Variants in CNNM2 observed in about 807,000 individuals in gnomAD.
The protein encoded by CNNM2 is metal transporter CNNM2.
CNNM2 carries 12 observed loss-of-function variants against 66.9 expected under a neutral mutation model. The ratio of observed to expected loss-of-function variants is 0.18; its 90% CI spans 0.11 to 0.29. CNNM2 has a LOEUF of 0.29. CNNM2 is among the 10% of genes least tolerant of loss of function. CNNM2 has a pLI of 1.00. For synonymous variants in CNNM2, 557 were observed against 501.8 expected (o/e 1.11, Z -1.47); for missense variants, 705 against 1,167.7 (o/e 0.60, Z 5.77).
intron 1 of CNNM2, among the ~76,000 whole-genome samples, chr10:102,954,776 G>A (rs529375918): frequency 6.6e-6 from 1 of 152,256 alleles, no homozygotes; most frequent in South Asian, 2.1e-4. Flanking sequence ...GCTGGCTGGA[G>A]GTGGGGACTT....
chr10:103,076,097 T>C lies in CNNM2; in HGVS notation c.2245T>C (p.Ser749Pro). 6.2e-7 allele frequency: 1 copy of C among 1,609,776 alleles called. No individual in the cohort carries two copies. Among genetic ancestry groups the C allele is most frequent in the Non-Finnish European group, 8.5e-7 (1 of 1,177,154 alleles). The part of the protein sequence containing the change: ...LAAGSPGENK[S>P]PPRPCGLNHS... ...CCCTCCTTTTCCAGGTGAAAATAAG[T>C]CCCCTCCTCGCCCATGTGGCTTGAA... Residue 749 changes from serine to proline, a missense_variant, in exon 7 of 8, where the codon TCC becomes CCC. Ser to Pro is a moderately conservative substitution (Grantham distance 74). Coordinates refer to ENST00000369878, the MANE Select transcript of CNNM2 (RefSeq NM_017649.5).
chr10:102,935,774 C>CTT (rs34196326), intron 1 of CNNM2, among the ~76,000 whole-genome samples: 595 of 77,980 alleles, frequency 7.6e-3, no homozygotes, highest in Non-Finnish European at 9.2e-3. Context: ...CTGCACCTGG[C>CTT]TTTTTTTTTT....
Position 102,937,221 on chromosome 10 carries a change from T to C in CNNM2, c.1621+17120T>C, listed in dbSNP as rs1341253974. 2.0e-5 allele frequency among the ~76,000 whole-genome samples: 3 copies of C among 150,218 alleles called. No individual in the cohort carries two copies. In the East Asian group the frequency reaches 6.3e-4, roughly 31 times the overall value. Reference sequence around the variant, plus strand: ...ATGTAGTCTGCCTGGAATGAAACTTTTTTATACTTACATGATAGCCCTGAT... The same window carrying C: ...ATGTAGTCTGCCTGGAATGAAACTTCTTTATACTTACATGATAGCCCTGAT... On this transcript the variant is annotated intron_variant, in intron 1 of 7. Transcript: ENST00000369878.
intron 1 of CNNM2, among the ~76,000 whole-genome samples, chr10:102,935,468 CTT>C (rs1846204295): frequency 6.6e-6 from 1 of 151,918 alleles, no homozygotes; most frequent in Non-Finnish European, 1.5e-5. Context: ...TCAAAAAAAA[CTT>C]TTGTAGTATC....
Position 103,081,468 on chromosome 10 carries a change from A to G in CNNM2, c.*4288A>G, listed in dbSNP as rs1156617420. ...TAGGAAAGTGATCTGGGGATTCAGA[A>G]ATTTTTCTGATGTATCAATGAGCAA... On this transcript the variant is annotated 3_prime_UTR_variant, in exon 8 of 8. Transcript: ENST00000369878. 6.6e-6 allele frequency: 1 copy of G among 152,166 alleles called. No individual in the cohort carries two copies. The highest frequency in any genetic ancestry group is 1.9e-4 in the East Asian group (1 of 5,200). 9.4% of individuals were successfully genotyped at this position (152,166 alleles called of 1,614,324 possible). A position where few individuals can be genotyped will look rare whatever the true frequency, so the allele number is the denominator to read the frequency against.
At chr10:103,066,008 A>G (rs1002856175) in intron 4 of CNNM2, among the ~76,000 whole-genome samples, 1 of 152,030 alleles carries the variant, frequency 6.6e-6, no homozygotes, top group Non-Finnish European at 1.5e-5. Flanking sequence ...TGCCGGGGCC[A>G]CTGTCCTCCC....
At position 103,080,357 on chromosome 10, in the gene CNNM2, C is replaced by T. The variant is rs374463400; in HGVS notation, c.*3177C>T. ...TCTCCTGCTGTTTGGAGGTTCCGTC[C>T]CTTCACTGCTTGTCCCATATGCGTC... On this transcript the variant is annotated 3_prime_UTR_variant, in exon 8 of 8. Coordinates refer to ENST00000369878, the MANE Select transcript of CNNM2 (RefSeq NM_017649.5). The T allele has an allele frequency of 4.6e-5, 7 of 152,220 alleles. No individual in the cohort carries two copies. In the East Asian group the frequency reaches 1.3e-3, roughly 29 times the overall value. 9.4% of individuals were successfully genotyped at this position (152,220 alleles called of 1,614,324 possible). A position where few individuals can be genotyped will look rare whatever the true frequency, so the allele number is the denominator to read the frequency against.
intron 1 of CNNM2, among the ~76,000 whole-genome samples, chr10:102,975,633 C>CA (rs1458766406): frequency 6.6e-6 from 1 of 152,116 alleles, no homozygotes; most frequent in Non-Finnish European, 1.5e-5. Context: ...CCAAGTATGT[C>CA]AAAACTTGTG....
At chr10:102,979,014 A>G (rs1191730471) in intron 1 of CNNM2, among the ~76,000 whole-genome samples, 3 of 152,154 alleles carry the variant, frequency 2.0e-5, no homozygotes, top group Non-Finnish European at 4.4e-5. Context: ...TTATTTATCC[A>G]TTCTTCCATT....
intron 1 of CNNM2, among the ~76,000 whole-genome samples, chr10:103,021,606 A>G (rs1364884249): frequency 6.6e-6 from 1 of 152,114 alleles, no homozygotes; most frequent in Non-Finnish European, 1.5e-5. Context: ...GTAGGGTGAT[A>G]GTCTTGCTCC....
Position 103,056,039 on chromosome 10 carries a change from G to A in CNNM2, c.1904-756G>A, listed in dbSNP as rs548127769. On this transcript the variant is annotated intron_variant, in intron 3 of 7. Coordinates refer to ENST00000369878, the MANE Select transcript of CNNM2 (RefSeq NM_017649.5). ...GGAGGTGGCGGTTGCAGTGAGCCGA[G>A]ATTGCGTCACTGCACTCCAGCCTGG... Among the ~76,000 whole-genome samples the A allele has an allele frequency of 7.3e-5, 11 of 150,486 alleles. No individual in the cohort carries two copies. The East Asian group carries it at 1.2e-3, about 16-fold the overall frequency.
chr10:103,010,859 C>A (rs529825590), intron 1 of CNNM2, among the ~76,000 whole-genome samples: 2 of 152,178 alleles, frequency 1.3e-5, no homozygotes, highest in East Asian at 1.9e-4. Context: ...GTGATCCACT[C>A]CCCCCAGCCT....
At position 102,921,218 on chromosome 10, in the gene CNNM2, C is replaced by T. The variant is rs75744278; in HGVS notation, c.1621+1117C>T. On this transcript the variant is annotated intron_variant, in intron 1 of 7. Coordinates refer to ENST00000369878, the MANE Select transcript of CNNM2 (RefSeq NM_017649.5). ...GCTGAGTTTTTGAATTATTAAGATGCTAGGGCATGTGCAGGTATTGAAATG... is the reference window on the plus strand; with the variant it reads ...GCTGAGTTTTTGAATTATTAAGATGTTAGGGCATGTGCAGGTATTGAAATG... 0.012 allele frequency: 2,362 copies of T among 195,826 alleles called. 64 individuals are homozygous for T. The highest frequency in any genetic ancestry group is 0.052 in the African/African-American group (2,196 of 42,294). 12.1% of individuals were successfully genotyped at this position (195,826 alleles called of 1,614,324 possible).
At chr10:103,005,659 A>G (rs2064211896) in intron 1 of CNNM2, among the ~76,000 whole-genome samples, 6 of 152,216 alleles carry the variant, frequency 3.9e-5, no homozygotes, top group Admixed American at 3.9e-4. Flanking sequence ...CTCAAAAAAA[A>G]AATTGATTTT....
At chr10:102,989,899 G>A (rs2063865807) in intron 1 of CNNM2, among the ~76,000 whole-genome samples, 1 of 151,666 alleles carries the variant, frequency 6.6e-6, no homozygotes, top group African/African-American at 2.4e-5. Flanking sequence ...TTGTACAAAA[G>A]GTATAATATA....
Position 102,919,125 on chromosome 10 carries a change from G to A in CNNM2, c.645G>A (p.Lys215=), listed in dbSNP as rs1385194687. Residue 215 remains lysine, a synonymous_variant, in exon 1 of 8, where the codon AAG becomes AAA. Coordinates refer to ENST00000369878, the MANE Select transcript of CNNM2 (RefSeq NM_017649.5). ...CCACGGGTGGCGCCGTCGGGGGCAAGGGTGGCTCGGGGGTGGCCGGGCTCC... is the reference window on the plus strand; with the variant it reads ...CCACGGGTGGCGCCGTCGGGGGCAAAGGTGGCTCGGGGGTGGCCGGGCTCC... The part of the protein sequence containing the change: ...SGSTGGAVGG[K]GGSGVAGLPP... The A allele has an allele frequency of 6.2e-7, 1 of 1,610,856 alleles. No homozygotes were observed.
At chr10:102,949,624 G>T (rs1343102294) in intron 1 of CNNM2, among the ~76,000 whole-genome samples, 1 of 151,962 alleles carries the variant, frequency 6.6e-6, no homozygotes, top group Non-Finnish European at 1.5e-5. Context: ...TCTCTACTGA[G>T]AAAATACTAA....
chr10:103,044,119 T>TA lies in CNNM2; in HGVS notation c.1622-5587dup, dbSNP rs556597922. ...TGTGATTAAATATTTTGTTGACTGC[T>TA]ATATTTTCATTCTTCTCGTTGGAAG... On this transcript the variant is annotated intron_variant, in intron 1 of 7. Coordinates refer to ENST00000369878, the MANE Select transcript of CNNM2 (RefSeq NM_017649.5). Among the ~76,000 whole-genome samples, 175 of 152,372 alleles carry TA rather than the reference T, an allele frequency of 1.1e-3. 1 individual carries two copies. Among genetic ancestry groups the TA allele is most frequent in the Non-Finnish European group, 1.8e-3 (122 of 68,028 alleles).
At chr10:102,999,419 A>G (rs2134253100) in intron 1 of CNNM2, among the ~76,000 whole-genome samples, 1 of 152,094 alleles carries the variant, frequency 6.6e-6, no homozygotes, top group Non-Finnish European at 1.5e-5. Context: ...GGATCTGATA[A>G]TGAAATTAAG....
Sources: gnomAD v4.1 joint callset for allele counts (sites outside exome capture counted in the v4.1 genomes callset) on GRCh38, gnomAD v4.1.1 for gene constraint, MANE v1.5 for transcripts, NCBI Gene and HGNC (gene_info 2026-07-23, HGNC 2026-07-21) for gene names.